The following DCBLD1 variants were observed in gnomAD, a reference collection of about 807,000 sequenced individuals.
The protein encoded by DCBLD1 is discoidin, CUB and LCCL domain-containing protein 1.
DCBLD1 carries 57 observed loss-of-function variants against 71.5 expected under a neutral mutation model. That is an observed-to-expected ratio of 0.80 (90% CI 0.64 to 0.99). The LOEUF (loss-of-function observed/expected upper bound fraction) is 0.99. Ranked by LOEUF, DCBLD1 falls within the 50% of genes least tolerant of loss-of-function variation. The pLI is 0.00. For missense variants in DCBLD1, 891 were observed against 923.5 expected (o/e 0.96, Z 0.46); for synonymous variants, 380 against 363.8 (o/e 1.04, Z -0.51).
At chr6:117,562,064 G>A (rs1226678252) in intron 14 of DCBLD1, 1 of 206,442 alleles carries the variant, frequency 4.8e-6, no homozygotes, top group Non-Finnish European at 9.9e-6. Flanking sequence ...TTAATGCAAT[G>A]TTGTGACTTT....
At position 117,548,638 on chromosome 6, in the gene DCBLD1, C is replaced by G. The variant is rs1210898617; in HGVS notation, c.*199C>G. 4.2e-6 allele frequency: 6 copies of G among 1,425,618 alleles called. No homozygotes were observed. The highest frequency in any genetic ancestry group is 5.5e-6 in the Non-Finnish European group (6 of 1,094,886). 88.3% of individuals were successfully genotyped at this position (1,425,618 alleles called of 1,614,324 possible). On this transcript the variant is annotated 3_prime_UTR_variant, in exon 15 of 15. Coordinates refer to ENST00000338728, the MANE Select transcript of DCBLD1 (RefSeq NM_001366458.2). ...TTGTGCAGCTGGTTTCGTGCTGACCCTTAGGGTGCGTCTGTTGGGTTTTGT... is the reference window on the plus strand; with the variant it reads ...TTGTGCAGCTGGTTTCGTGCTGACCGTTAGGGTGCGTCTGTTGGGTTTTGT...
At chr6:117,535,749 T>A (rs186783427) in intron 6 of DCBLD1, among the ~76,000 whole-genome samples, 1 of 152,244 alleles carries the variant, frequency 6.6e-6, no homozygotes, top group Admixed American at 6.5e-5. Context: ...ACATTTCAAA[T>A]GTAACAGCGT....
rs753870741 is a variant in DCBLD1, at chr6:117,521,585, A to G, written c.512+9A>G. ...TTGAAGACAGAATACAGGTAAGTATAGGTATCCTAACTGTGTTGCAGTCGT... is the reference window on the plus strand; with the variant it reads ...TTGAAGACAGAATACAGGTAAGTATGGGTATCCTAACTGTGTTGCAGTCGT... On this transcript the variant is annotated intron_variant, in intron 4 of 14. Transcript: ENST00000338728. The G allele has an allele frequency of 4.2e-5, 65 of 1,559,236 alleles. No individual in the cohort carries two copies. The highest frequency in any genetic ancestry group is 5.3e-5 in the Non-Finnish European group (61 of 1,161,766).
At chr6:117,491,554 T>C (rs1777294309) in intron 1 of DCBLD1, among the ~76,000 whole-genome samples, 1 of 152,218 alleles carries the variant, frequency 6.6e-6, no homozygotes, top group Admixed American at 6.5e-5. Flanking sequence ...AAATATTTTC[T>C]TGCATAGCCA....
intron 2 of DCBLD1, among the ~76,000 whole-genome samples, chr6:117,518,992 G>GT: frequency 6.6e-6 from 1 of 152,142 alleles, no homozygotes; most frequent in Non-Finnish European, 1.5e-5. Context: ...CTGTTTTTGA[G>GT]AAAAGTTAAT....
chr6:117,549,081 A>C lies in DCBLD1; in HGVS notation c.*642A>C, dbSNP rs959888706. On this transcript the variant is annotated 3_prime_UTR_variant, in exon 15 of 15. Transcript: ENST00000338728. ...TATGACTGTAGATTTAAAAACAAGCAAAGAAACAACACCTCAGCAGCTGCC... is the reference window on the plus strand; with the variant it reads ...TATGACTGTAGATTTAAAAACAAGCCAAGAAACAACACCTCAGCAGCTGCC... 1.0e-6 allele frequency: 1 copy of C among 985,998 alleles called. No individual in the cohort carries two copies. The highest frequency in any genetic ancestry group is 1.2e-6 in the Non-Finnish European group (1 of 830,378). The allele number at this position is 985,998 out of a possible 1,614,324, so 61.1% of individuals were successfully genotyped here.
intron 1 of DCBLD1, chr6:117,485,046 T>C (rs1307948504): frequency 1.3e-5 from 2 of 152,342 alleles, no homozygotes; most frequent in East Asian, 3.9e-4. Flanking sequence ...TAAAGGTACA[T>C]ATTTACATAG....
downstream of DCBLD1, among the ~76,000 whole-genome samples, chr6:117,553,138 C>T (rs1779453212): frequency 6.6e-6 from 1 of 152,264 alleles, no homozygotes; most frequent in South Asian, 2.1e-4. Flanking sequence ...ACTGGGGGCC[C>T]ATCACTCCTC....
intron 1 of DCBLD1, among the ~76,000 whole-genome samples, chr6:117,490,819 CAAAATT>C (rs148243096): frequency 0.031 from 4,645 of 152,094 alleles, 85 homozygotes; most frequent in Non-Finnish European, 0.037. Flanking sequence ...TCTTTCTTCA[CAAAATT>C]AAAATCCTTG....
chr6:117,554,996 C>CT (rs1477981854), intron 14 of DCBLD1, among the ~76,000 whole-genome samples: 5 of 151,938 alleles, frequency 3.3e-5, no homozygotes, highest in Non-Finnish European at 7.4e-5. Flanking sequence ...TTTTTCTTCC[C>CT]TTTTTTGGTT....
At chr6:117,561,178 C>T (rs567438230) in intron 14 of DCBLD1, 4 of 223,768 alleles carry the variant, frequency 1.8e-5, no homozygotes, top group African/African-American at 8.9e-5. Flanking sequence ...TTCTATTTAT[C>T]AGTCCTTAAA....
At chr6:117,485,551 C>T (rs1777056452) in intron 1 of DCBLD1, among the ~76,000 whole-genome samples, 1 of 152,224 alleles carries the variant, frequency 6.6e-6, no homozygotes, top group African/African-American at 2.4e-5. Flanking sequence ...TGTGTGCACT[C>T]ACCCTTCTGT....
At chr6:117,544,337 A>T (rs1178459993) in intron 12 of DCBLD1, 191 bp from the exon 13 acceptor site, 7 of 484,860 alleles carry the variant, frequency 1.4e-5, no homozygotes, top group Non-Finnish European at 2.5e-5. Flanking sequence ...GACCTTTCTT[A>T]TAAATGAGAT....
chr6:117,504,548 T>G (rs1019277648), intron 2 of DCBLD1, among the ~76,000 whole-genome samples: 19 of 152,206 alleles, frequency 1.2e-4, no homozygotes, highest in African/African-American at 4.1e-4. Flanking sequence ...GCATCATCAG[T>G]AAGTGGACAT....
Position 117,510,131 on chromosome 6 carries a change from C to A in DCBLD1, c.325+6152C>A, listed in dbSNP as rs188800504. On this transcript the variant is annotated intron_variant, in intron 2 of 14. Coordinates refer to ENST00000338728, the MANE Select transcript of DCBLD1 (RefSeq NM_001366458.2). ...TGTGCCCCACTTCTACAGAAACTTG[C>A]TAGCTTAGCGTTGATGCATCATCTT... Among the ~76,000 whole-genome samples, 7 of 152,250 alleles carry A rather than the reference C, an allele frequency of 4.6e-5. No homozygotes were observed. The East Asian group carries it at 7.7e-4, about 17-fold the overall frequency.
At chr6:117,563,619 G>A (rs1779633159) in intron 14 of DCBLD1, among the ~76,000 whole-genome samples, 1 of 152,024 alleles carries the variant, frequency 6.6e-6, no homozygotes, top group South Asian at 2.1e-4. Flanking sequence ...CTATTTGGGA[G>A]ACTGAGGAAG....
intron 1 of DCBLD1, 93 bp from the exon 2 acceptor site, chr6:117,503,674 A>G: frequency 7.3e-7 from 1 of 1,376,794 alleles, no homozygotes; most frequent in Non-Finnish European, 1.0e-6. Context: ...AAACAATAAA[A>G]TACATAACTT....
chr6:117,508,743 A>G (rs1777918866), intron 2 of DCBLD1, among the ~76,000 whole-genome samples: 1 of 152,078 alleles, frequency 6.6e-6, no homozygotes, highest in Non-Finnish European at 1.5e-5. Flanking sequence ...TTTCCCTTGA[A>G]AGGTGACCTC....
chr6:117,545,590 T>TA lies in DCBLD1; in HGVS notation c.1609dup (p.Met537AsnfsTer43). The stretch of plus-strand genomic sequence containing the variant: ...AAAAGTTAGATCTCATCACAAGTGA[T>TA]ATGGCAGGTAAGTGTCATATTTCTA... On this transcript the variant is annotated frameshift_variant, in exon 14 of 15. Coordinates refer to ENST00000338728, the MANE Select transcript of DCBLD1 (RefSeq NM_001366458.2). LOFTEE classifies it low-confidence loss of function (END_TRUNC). 1 of 1,613,830 alleles carries TA rather than the reference T, an allele frequency of 6.2e-7. No individual in the cohort carries two copies. Among genetic ancestry groups the TA allele is most frequent in the Non-Finnish European group, 8.5e-7 (1 of 1,179,876 alleles).
Sources: gnomAD v4.1 joint callset for allele counts (sites outside exome capture counted in the v4.1 genomes callset) on GRCh38, gnomAD v4.1.1 for gene constraint, MANE v1.5 for transcripts, NCBI Gene and HGNC (gene_info 2026-07-23, HGNC 2026-07-21) for gene names.